The following NES variants were observed in gnomAD, a reference collection of about 807,000 sequenced individuals.
NES encodes the protein nestin.
Under a neutral mutation model 35.6 loss-of-function variants are expected in NES, and 27 were observed. The ratio of observed to expected loss-of-function variants is 0.76; its 90% CI spans 0.56 to 1.04. NES has a LOEUF of 1.04. Ranked by LOEUF, NES falls within the 50% of genes least tolerant of loss-of-function variation. NES has a pLI of 0.00. For missense variants in NES, 1,867 were observed against 1,983.6 expected, an observed-to-expected ratio of 0.94 and a Z score of 1.12; for synonymous variants, 822 against 824.2, an observed-to-expected ratio of 1.00 and a Z score of 0.04.
At chr1:156,673,552 G>C (rs1051121744) in intron 2 of NES, 25 bp from the exon 3 acceptor site, 1 of 1,573,954 alleles carries the variant, frequency 6.4e-7, no homozygotes, top group Non-Finnish European at 8.7e-7. Context: ...GGGAAAGTGG[G>C]GTCAGCCCTC....
chr1:156,671,182 G>A lies in NES; in HGVS notation c.3006C>T (p.Ala1002=), dbSNP rs1179582732. 6.2e-7 allele frequency: 1 copy of A among 1,613,992 alleles called. No individual in the cohort carries two copies. The highest frequency in any genetic ancestry group is 8.5e-7 in the Non-Finnish European group (1 of 1,180,042). The change falls in exon 4 of 4, where the codon GCC becomes GCT. Residue 1002 remains alanine, a synonymous_variant. Coordinates refer to ENST00000368223, the MANE Select transcript of NES (RefSeq NM_006617.2). The part of the protein sequence containing the change: ...EEVVEQGELN[A]TEEVWIPGEG... ...CGCCTGGGATCCAGACCTCCTCTGT[G>A]GCATTCAGCTCTCCCTGCTCTACCA... is the stretch of plus-strand genomic sequence containing the variant.
At position 156,670,207 on chromosome 1, in the gene NES, A is replaced by G. The variant is rs750730398; in HGVS notation, c.3981T>C (p.Thr1327=). The part of the protein sequence containing the change: ...GEQRPPPQGE[T]GKEGWDPAVL... ...CAGCAGGATCCCAGCCCTCCTTTCC[A>G]GTCTCCCCTTGAGGGGGTGGCCTCT... Residue 1327 remains threonine, a synonymous_variant, in exon 4 of 4, where the codon ACT becomes ACC. Coordinates refer to ENST00000368223, the MANE Select transcript of NES (RefSeq NM_006617.2). The G allele has an allele frequency of 6.2e-7, 1 of 1,613,912 alleles. No individual in the cohort carries two copies. Among genetic ancestry groups the G allele is most frequent in the South Asian group, 1.1e-5 (1 of 91,076 alleles).
At position 156,676,082 on chromosome 1, in the gene NES, G is replaced by A. The variant is rs1204414616; in HGVS notation, c.783+400C>T. Among the ~76,000 whole-genome samples, 1 of 152,274 alleles carries A rather than the reference G, an allele frequency of 6.6e-6. No individual in the cohort carries two copies. The highest frequency in any genetic ancestry group is 1.5e-5 in the Non-Finnish European group (1 of 68,046). ...CACTCCTCCCCTCAGGAGAAGGAGGGCTGTGAGGAACTTGGTGATTCTGAG... is the reference window on the plus strand; with the variant it reads ...CACTCCTCCCCTCAGGAGAAGGAGGACTGTGAGGAACTTGGTGATTCTGAG... On this transcript the variant is annotated intron_variant, in intron 1 of 3. Transcript: ENST00000368223. This position sits in a 1 kb window ranked among gnomAD's most constrained non-coding sequence, Gnocchi z 5.3.
Position 156,670,509 on chromosome 1 carries a change from G to T in NES, c.3679C>A (p.Pro1227Thr). 2 of 1,597,998 alleles carry T rather than the reference G, an allele frequency of 1.3e-6. No homozygotes were observed. The highest frequency in any genetic ancestry group is 1.7e-6 in the Non-Finnish European group (2 of 1,169,916). ...VLVSPSPTYT[P>T]ILEDAPGPQP... Reference sequence around the variant, plus strand: ...GGCCCAGGGGCATCTTCCAGGATCGGGGTGTACGTTGGGCTGGGGGAGACC... The same window carrying T: ...GGCCCAGGGGCATCTTCCAGGATCGTGGTGTACGTTGGGCTGGGGGAGACC... The change falls in exon 4 of 4, where the codon CCG (proline) becomes ACG (threonine). Residue 1227 changes from proline (P) to threonine (T), a missense_variant. Coordinates refer to ENST00000368223, the MANE Select transcript of NES (RefSeq NM_006617.2).
Position 156,672,125 on chromosome 1 carries a change from G to T in NES, c.2063C>A (p.Ala688Glu), listed in dbSNP as rs1369580284. 1 of 1,611,420 alleles carries T rather than the reference G, an allele frequency of 6.2e-7. No homozygotes were observed. The highest frequency in any genetic ancestry group is 1.7e-5 in the Admixed American group (1 of 59,354). The stretch of plus-strand genomic sequence containing the variant: ...ATTCTCCTTTGTCAGAGGTCTCAGT[G>T]CCTCCTCATCCCCTACTTCTGGAGA... ...LRSPEVGDEE[A>E]LRPLTKENQE... The change falls in exon 4 of 4, where the codon GCA (alanine) becomes GAA (glutamate). Residue 688 changes from alanine to glutamate, a missense_variant. Ala to Glu is a moderately radical substitution (Grantham distance 107). Coordinates refer to ENST00000368223, the MANE Select transcript of NES (RefSeq NM_006617.2).
intron 2 of NES, 146 bp downstream of exon 2, chr1:156,675,070 G>T: frequency 4.0e-6 from 4 of 995,432 alleles, no homozygotes; most frequent in Non-Finnish European, 4.5e-6. Context: ...ACATGTTCCG[G>T]TGTGGAAGTG....
chr1:156,669,672 A>T lies in NES; in HGVS notation c.4516T>A (p.Ser1506Thr). Residue 1506 changes from serine (S) to threonine (T), a missense_variant, in exon 4 of 4, where the codon TCC (serine) becomes ACC (threonine). Ser to Thr is a moderately conservative substitution (Grantham distance 58). Coordinates refer to ENST00000368223, the MANE Select transcript of NES (RefSeq NM_006617.2). ...SGSEEESDPV[S>T]LEREDKVPGP... The stretch of plus-strand genomic sequence containing the variant: ...GGGACTTTGTCCTCCCTCTCCAAGG[A>T]AACAGGGTCAGACTCTTCCTCTGAG... 1 of 1,613,980 alleles carries T rather than the reference A, an allele frequency of 6.2e-7. No individual in the cohort carries two copies. Among genetic ancestry groups the T allele is most frequent in the African/African-American group, 1.3e-5 (1 of 75,016 alleles).
chr1:156,677,156 T>A lies in NES; in HGVS notation c.109A>T (p.Ser37Cys), dbSNP rs757478670. The A allele has an allele frequency of 1.2e-6, 2 of 1,611,728 alleles. No homozygotes were observed. Among genetic ancestry groups the A allele is most frequent in the South Asian group, 1.1e-5 (1 of 90,856 alleles). ...GCCCGGAGCCCCCCGAGCTCCGCGC[T>A]GAGCAGCTCATTCTGCTCCTCCAGC... ...KALEEQNELLSAELGGLRAQS... is the reference protein window; with the variant it reads ...KALEEQNELLCAELGGLRAQS... Residue 37 changes from serine to cysteine, a missense_variant, in exon 1 of 4, where the codon AGC becomes TGC. Coordinates refer to ENST00000368223, the MANE Select transcript of NES (RefSeq NM_006617.2). This position sits in a 1 kb window ranked among gnomAD's most constrained non-coding sequence, Gnocchi z 4.5.
chr1:156,673,016 G>T lies in NES; in HGVS notation c.1172C>A (p.Pro391His). The T allele has an allele frequency of 3.7e-6, 6 of 1,611,868 alleles. No homozygotes were observed. Among genetic ancestry groups the T allele is most frequent in the Non-Finnish European group, 5.1e-6 (6 of 1,178,276 alleles). ...RTPTLASTPI[P>H]PTPQAPSPAV... ...AGGAGAGGGTGCCTGAGGTGTGGGGGGGATGGGGGTGCTGGCCAAGGTAGG... is the reference window on the plus strand; with the variant it reads ...AGGAGAGGGTGCCTGAGGTGTGGGGTGGATGGGGGTGCTGGCCAAGGTAGG... The change falls in exon 4 of 4, where the codon CCC (proline) becomes CAC (histidine). Residue 391 changes from proline to histidine, a missense_variant. Coordinates refer to ENST00000368223, the MANE Select transcript of NES (RefSeq NM_006617.2).
rs1304402134 is a variant in NES, at chr1:156,671,926, T to A, written c.2262A>T (p.Thr754=). ...LRSLEEQDQE[T]LRTLEKETQQ... ...GAGTCTCTTTTTCAAGAGTTCTCAA[T>A]GTCTCTTGGTCCTGTTCTTCTAAAG... Residue 754 remains threonine, a synonymous_variant, in exon 4 of 4, where the codon ACA becomes ACT. Coordinates refer to ENST00000368223, the MANE Select transcript of NES (RefSeq NM_006617.2). 8 of 1,614,212 alleles carry A rather than the reference T, an allele frequency of 5.0e-6. No homozygotes were observed. Among genetic ancestry groups the A allele is most frequent in the Non-Finnish European group, 6.8e-6 (8 of 1,180,028 alleles).
At position 156,676,711 on chromosome 1, in the gene NES, G is replaced by T; in HGVS notation, c.554C>A (p.Ala185Glu). 7.0e-7 allele frequency: 1 copy of T among 1,426,416 alleles called. No homozygotes were observed. Among genetic ancestry groups the T allele is most frequent in the Admixed American group, 3.1e-5 (1 of 31,810 alleles). The allele number at this position is 1,426,416 out of a possible 1,614,324, so 88.4% of individuals were successfully genotyped here. Residue 185 changes from alanine (A) to glutamate (E), a missense_variant, in exon 1 of 4, where the codon GCG (alanine) becomes GAG (glutamate). Physicochemically the swap from Ala to Glu is moderately radical, Grantham distance 107. Coordinates refer to ENST00000368223, the MANE Select transcript of NES (RefSeq NM_006617.2). This position sits in a 1 kb window ranked among gnomAD's most constrained non-coding sequence, Gnocchi z 5.3. ...GTAGCCGCGCACTGCCCCGCGCCAC[G>T]CCTCGCCCAGTCGCCTTGCCAGCTC... ...VEELARRLGE[A>E]WRGAVRGYQE...
In NES at chr1:156,671,117, C is replaced by A; in HGVS notation, c.3071G>T (p.Gly1024Val). Residue 1024 changes from glycine (G) to valine (V), a missense_variant, in exon 4 of 4, where the codon GGC becomes GTC. Physicochemically the swap from Gly to Val is moderately radical, Grantham distance 109. Transcript: ENST00000368223. ...CTTCACACTGGCTCCCTCAACCAGG[C>A]CTCTCTGCTCTTTGGGCTCAGGGCT... ...PESPEPKEQR[G>V]LVEGASVKGG... 6.2e-7 allele frequency: 1 copy of A among 1,614,120 alleles called. No individual in the cohort carries two copies. The highest frequency in any genetic ancestry group is 8.5e-7 in the Non-Finnish European group (1 of 1,180,014).
At position 156,669,219 on chromosome 1, in the gene NES, G is replaced by T; in HGVS notation, c.*103C>A. On this transcript the variant is annotated 3_prime_UTR_variant, in exon 4 of 4. Coordinates refer to ENST00000368223, the MANE Select transcript of NES (RefSeq NM_006617.2). ...CTCAGCCAGAAACCATATGTCAAGA[G>T]ATCGTAAGTTAAGAGTGCTGCTCCT... The T allele has an allele frequency of 1.3e-6, 1 of 763,084 alleles. No homozygotes were observed. 47.3% of individuals were successfully genotyped at this position (763,084 alleles called of 1,614,324 possible).
At chr1:156,675,484 C>A (rs748242863) in intron 1 of NES, 144 bp from the exon 2 acceptor site, 2 of 948,898 alleles carry the variant, frequency 2.1e-6, no homozygotes, top group Non-Finnish European at 3.0e-6. Flanking sequence ...GCCTCCCCTA[C>A]CCTATTCCCT....
chr1:156,671,680 G>A lies in NES; in HGVS notation c.2508C>T (p.Asn836=). ...LESLKSAGQE[N]LETLKSPETQ... is the part of the protein sequence containing the mutation. ...TTTCTGGAGATTTCAGTGTTTCCAG[G>A]TTCTCTTGTCCCGCAGACTTCAGTG... The change falls in exon 4 of 4, where the codon AAC becomes AAT. Residue 836 remains asparagine (N), a synonymous_variant. Coordinates refer to ENST00000368223, the MANE Select transcript of NES (RefSeq NM_006617.2). 2 of 1,613,626 alleles carry A rather than the reference G, an allele frequency of 1.2e-6. No individual in the cohort carries two copies. Among genetic ancestry groups the A allele is most frequent in the Admixed American group, 1.7e-5 (1 of 59,922 alleles).
At position 156,673,127 on chromosome 1, in the gene NES, G is replaced by C. The variant is rs377042513; in HGVS notation, c.1061C>G (p.Thr354Ser). 16 of 1,573,686 alleles carry C rather than the reference G, an allele frequency of 1.0e-5. No individual in the cohort carries two copies. The African/African-American group carries it at 1.9e-4, about 19-fold the overall frequency. ...LGSLLPVLSPTSLPSPLPATL... is the reference protein window; with the variant it reads ...LGSLLPVLSPSSLPSPLPATL... ...AGCAGGCAAGGGTGAGGGGAGGGAA[G>C]TTGGGCTCAGGACTGGGAGCAAAGA... Residue 354 changes from threonine (T) to serine (S), a missense_variant, in exon 4 of 4, where the codon ACT becomes AGT. Coordinates refer to ENST00000368223, the MANE Select transcript of NES (RefSeq NM_006617.2).
chr1:156,669,908 T>C lies in NES; in HGVS notation c.4280A>G (p.Glu1427Gly). 2 of 1,454,758 alleles carry C rather than the reference T, an allele frequency of 1.4e-6. No individual in the cohort carries two copies. The highest frequency in any genetic ancestry group is 1.9e-6 in the Non-Finnish European group (2 of 1,061,908). 90.1% of individuals were successfully genotyped at this position (1,454,758 alleles called of 1,614,324 possible). A position where few individuals can be genotyped will look rare whatever the true frequency, so the allele number is the denominator to read the frequency against. Reference sequence around the variant, plus strand: ...CCCAGCCCCTGGCTCCCTCCCCTCCTCCTGATCCTCCTCTCCCTCCTCCCC... The same window carrying C: ...CCCAGCCCCTGGCTCCCTCCCCTCCCCCTGATCCTCCTCTCCCTCCTCCCC... ...ESGEEGEEDQEEGREPGAGRW... is the reference protein window; with the variant it reads ...ESGEEGEEDQGEGREPGAGRW... The change falls in exon 4 of 4, where the codon GAG becomes GGG. Residue 1427 changes from glutamate (E) to glycine (G), a missense_variant. Glu to Gly is a moderately conservative substitution (Grantham distance 98). Coordinates refer to ENST00000368223, the MANE Select transcript of NES (RefSeq NM_006617.2).
chr1:156,673,308 GGCGCCCAT>G lies in NES; in HGVS notation c.983-111_983-104del, dbSNP rs1339941809. 32 of 1,293,572 alleles carry G rather than the reference GGCGCCCAT, an allele frequency of 2.5e-5. No homozygotes were observed. The East Asian group carries it at 7.7e-4, about 31-fold the overall frequency. The allele number at this position is 1,293,572 out of a possible 1,614,324, so 80.1% of individuals were successfully genotyped here. A position where few individuals can be genotyped will look rare whatever the true frequency, so the allele number is the denominator to read the frequency against. ...CAAGAGTATCCATGCGCCTGCCCCT[GGCGCCCAT>G]GGCTGGGCTGAGAGCATGCTCACTG... On this transcript the variant is annotated intron_variant, in intron 3 of 3. Transcript: ENST00000368223.
chr1:156,670,979 T>C lies in NES; in HGVS notation c.3209A>G (p.Asp1070Gly). The change falls in exon 4 of 4, where the codon GAT becomes GGT. Residue 1070 changes from aspartate (D) to glycine (G), a missense_variant. Asp to Gly is a moderately conservative substitution (Grantham distance 94). Transcript: ENST00000368223. ...PEAIEPLVED[D>G]VAPGGDQASP... The stretch of plus-strand genomic sequence containing the variant: ...GGCTTGGTCACCCCCTGGGGCCACA[T>C]CATCTTCCACCAGGGGCTCTATCGC... 6.2e-7 allele frequency: 1 copy of C among 1,609,410 alleles called. No individual in the cohort carries two copies. The highest frequency in any genetic ancestry group is 1.1e-5 in the South Asian group (1 of 90,780).
Sources: gnomAD v4.1 joint callset for allele counts (sites outside exome capture counted in the v4.1 genomes callset) on GRCh38, gnomAD v4.1.1 for gene constraint, Gnocchi (gnomAD v3.1) non-coding constraint, MANE v1.5 for transcripts, NCBI Gene and HGNC (gene_info 2026-07-23, HGNC 2026-07-21) for gene names.